The following LIMK2 variants were observed in gnomAD, a reference collection of about 807,000 sequenced individuals.
LIMK2 encodes LIM domain kinase 2.
In LIMK2, 35 loss-of-function variants were observed where a neutral mutation model predicts 75.7. That is an observed-to-expected ratio of 0.46 (90% CI 0.35 to 0.61). The LOEUF (loss-of-function observed/expected upper bound fraction) is 0.61. Ranked by LOEUF, LIMK2 falls within the 20% of genes least tolerant of loss-of-function variation. The probability of loss-of-function intolerance (pLI) is 0.00; values close to 1 mark genes in which losing one functional copy is unlikely to be tolerated. For missense variants in LIMK2, 623 were observed against 831.0 expected, an observed-to-expected ratio of 0.75 and a Z score of 3.08; for synonymous variants, 301 against 319.2, an observed-to-expected ratio of 0.94 and a Z score of 0.61.
At chr22:31,255,099 A>G (rs1011514559) in intron 2 of LIMK2, among the ~76,000 whole-genome samples, 27 of 152,250 alleles carry the variant, frequency 1.8e-4, no homozygotes, top group Admixed American at 1.4e-3. Context: ...TTAGAACCTC[A>G]GATCATCTAG....
Position 31,267,767 on chromosome 22 carries a change from C to G in LIMK2, c.1129-9C>G, listed in dbSNP as rs2048910886. The G allele has an allele frequency of 2.5e-6, 4 of 1,581,128 alleles. No individual in the cohort carries two copies. In the South Asian group the frequency reaches 3.5e-5, roughly 14 times the overall value. On this transcript the variant is annotated splice_polypyrimidine_tract_variant and intron_variant, in intron 9 of 15. Transcript: ENST00000331728. ...ACCACCAGCTTTCCTTGGCTTCCCC[C>G]ACCCCCAGGTGAAAGTGATGCGCAG... is the stretch of plus-strand genomic sequence containing the variant.
At chr22:31,248,265 A>T in intron 2 of LIMK2, 1 of 1,027,906 alleles carries the variant, frequency 9.7e-7, no homozygotes, top group Non-Finnish European at 1.3e-6. Context: ...CTGTTTCCTA[A>T]CAGCTGCTCC....
chr22:31,273,909 G>A (rs1161575442), intron 14 of LIMK2, among the ~76,000 whole-genome samples: 3 of 152,026 alleles, frequency 2.0e-5, no homozygotes, highest in African/African-American at 7.2e-5. Flanking sequence ...TGTTGGCCAG[G>A]CTGGTCTTGA....
chr22:31,259,950 G>T lies in LIMK2; in HGVS notation c.424G>T (p.Val142Phe). The part of the protein sequence containing the change: ...PMFERLSTES[V>F]QEQLPYSVTL... ...GTTTGAGAGACTCTCCACAGAGTCT[G>T]TTCAGGAGCAGCTGCCCTACTCTGT... is the stretch of plus-strand genomic sequence containing the variant. The change falls in exon 5 of 16, where the codon GTT becomes TTT. Residue 142 changes from valine (V) to phenylalanine (F), a missense_variant. By Grantham distance (50) the Val-to-Phe change is conservative. Coordinates refer to ENST00000331728, the MANE Select transcript of LIMK2 (RefSeq NM_005569.4). 6.2e-7 allele frequency: 1 copy of T among 1,611,498 alleles called. No homozygotes were observed. Among genetic ancestry groups the T allele is most frequent in the South Asian group, 1.1e-5 (1 of 90,814 alleles).
At chr22:31,269,131 G>T (rs1346726720) in intron 11 of LIMK2, among the ~76,000 whole-genome samples, 2 of 151,770 alleles carry the variant, frequency 1.3e-5, no homozygotes, top group Non-Finnish European at 2.9e-5. Flanking sequence ...TTTGAGAAAG[G>T]ATATTGCTCT....
chr22:31,237,871 G>A (rs567673100), intron 2 of LIMK2, among the ~76,000 whole-genome samples: 137 of 151,710 alleles, frequency 9.0e-4, no homozygotes, highest in African/African-American at 1.8e-3. Flanking sequence ...TTGGGAGGCC[G>A]AGGTGGGCAG....
intron 15 of LIMK2, chr22:31,277,034 T>G (rs2049035165): frequency 6.2e-7 from 1 of 1,613,816 alleles, no homozygotes; most frequent in African/African-American, 1.3e-5. Flanking sequence ...GCTTCCAGGG[T>G]CAAGGAGCTG....
chr22:31,272,095 C>A (rs189966572), intron 12 of LIMK2, among the ~76,000 whole-genome samples: 7 of 152,150 alleles, frequency 4.6e-5, no homozygotes, highest in African/African-American at 1.4e-4. Flanking sequence ...GAGTCTCATT[C>A]TGTTTCCCAG....
rs1362484056 is a variant in LIMK2 at position 31,279,186 on chromosome 22, A to T, written c.*745A>T. The T allele has an allele frequency of 1.3e-5, 2 of 152,226 alleles. No individual in the cohort carries two copies. The highest frequency in any genetic ancestry group is 2.4e-5 in the African/African-American group (1 of 41,440). 9.4% of individuals were successfully genotyped at this position (152,226 alleles called of 1,614,324 possible). On this transcript the variant is annotated 3_prime_UTR_variant, in exon 16 of 16. Coordinates refer to ENST00000331728, the MANE Select transcript of LIMK2 (RefSeq NM_005569.4). ...ACAACATCCTTTCTGTCTGAAACAA[A>T]CAGTCACAAGCAAAGGAAGAGGCTG...
In LIMK2 at chr22:31,262,035, TG is replaced by T; in HGVS notation, c.552-97del. The T allele has an allele frequency of 1.1e-6, 1 of 925,424 alleles. No homozygotes were observed. Among genetic ancestry groups the T allele is most frequent in the Non-Finnish European group, 1.8e-6 (1 of 562,810 alleles). 57.3% of individuals were successfully genotyped at this position (925,424 alleles called of 1,614,324 possible). ...GTATCCTGGGCCCCTTAGGGGCCAC[TG>T]GTGGCCTGGGACCTGGTAAACCTTC... On this transcript the variant is annotated intron_variant, in intron 5 of 15. Transcript: ENST00000331728. This position sits in a 1 kb window ranked among gnomAD's most constrained non-coding sequence, Gnocchi z 5.0.
chr22:31,269,246 A>AG (rs750939624), intron 11 of LIMK2, among the ~76,000 whole-genome samples: 7 of 148,250 alleles, frequency 4.7e-5, no homozygotes, highest in Non-Finnish European at 8.9e-5. Context: ...GCTGGACTAC[A>AG]GGTGTGTACC....
chr22:31,217,006 C>T (rs1483469647), intron 1 of LIMK2, among the ~76,000 whole-genome samples: 1 of 152,224 alleles, frequency 6.6e-6, no homozygotes, highest in Non-Finnish European at 1.5e-5. Flanking sequence ...TGCCTGGTTT[C>T]ATTAAAGTGT....
chr22:31,227,072 C>A (rs186820900), intron 2 of LIMK2, among the ~76,000 whole-genome samples: 1 of 152,240 alleles, frequency 6.6e-6, no homozygotes, highest in Non-Finnish European at 1.5e-5. Flanking sequence ...GTATCCAGTA[C>A]ATGGTAGACA....
chr22:31,246,721 C>T (rs777286281), intron 2 of LIMK2, among the ~76,000 whole-genome samples: 27 of 149,770 alleles, frequency 1.8e-4, no homozygotes, highest in South Asian at 1.1e-3. Context: ...ATGGCATCAC[C>T]GCACTCCAGC....
At chr22:31,259,422 AC>A (rs1223760796) in intron 4 of LIMK2, among the ~76,000 whole-genome samples, 192 bp downstream of exon 4, 1 of 151,976 alleles carries the variant, frequency 6.6e-6, no homozygotes, top group African/African-American at 2.4e-5. Flanking sequence ...CTTTTTCCTT[AC>A]CAACCTTGAA....
chr22:31,271,242 C>T, intron 12 of LIMK2, 41 bp downstream of exon 12: 2 of 1,562,792 alleles, frequency 1.3e-6, no homozygotes, highest in Non-Finnish European at 1.8e-6. Context: ...AGGGTCCTAT[C>T]CTTCCTGGCT....
intron 2 of LIMK2, among the ~76,000 whole-genome samples, chr22:31,249,866 G>A (rs534898576): frequency 6.6e-6 from 1 of 152,152 alleles, no homozygotes. Context: ...CCTCAATGCT[G>A]ACTCTACCAA....
At chr22:31,245,286 G>A (rs1359282482) in intron 2 of LIMK2, among the ~76,000 whole-genome samples, 1 of 151,964 alleles carries the variant, frequency 6.6e-6, no homozygotes, top group East Asian at 1.9e-4. Flanking sequence ...ATTTTAATAC[G>A]GCCTGTGATT....
chr22:31,257,932 T>A (rs1238139940), intron 2 of LIMK2, among the ~76,000 whole-genome samples: 2 of 152,202 alleles, frequency 1.3e-5, no homozygotes, highest in Non-Finnish European at 2.9e-5. Context: ...TTTCAGAGAA[T>A]CCTTTATATA....
Sources: allele counts gnomAD v4.1 joint callset (sites outside exome capture counted in the v4.1 genomes callset), GRCh38; gene constraint gnomAD v4.1.1; non-coding constraint Gnocchi (gnomAD v3.1); transcripts MANE v1.5; gene names NCBI Gene and HGNC (gene_info 2026-07-23, HGNC 2026-07-21).